Variants in ZNF451 observed in about 807,000 individuals in gnomAD.
ZNF451 encodes zinc finger protein 451, also known as E3 SUMO-protein ligase ZNF451.
A neutral mutation model predicts 107.1 loss-of-function variants in ZNF451; 80 were observed. The ratio of observed to expected loss-of-function variants is 0.75; its 90% confidence interval spans 0.62 to 0.90. The LOEUF is 0.90. Ranked by LOEUF, ZNF451 falls within the 40% of genes least tolerant of loss-of-function variation. The pLI, the probability that ZNF451 is intolerant of heterozygous loss-of-function variation, is 0.00. For synonymous variants in ZNF451, 362 were observed against 406.5 expected (o/e 0.89, Z 1.32); for missense variants, 1,107 against 1,236.2 (o/e 0.90, Z 1.57).
intron 3 of ZNF451, among the ~76,000 whole-genome samples, chr6:57,117,972 G>C (rs1830451942): frequency 6.6e-6 from 1 of 152,142 alleles, no homozygotes; most frequent in Non-Finnish European, 1.5e-5. Flanking sequence ...TTGTTGTTGT[G>C]ACACAGGAAT....
intron 10 of ZNF451, 114 bp downstream of exon 10, chr6:57,148,807 A>G: frequency 3.1e-6 from 3 of 978,608 alleles, no homozygotes; most frequent in Non-Finnish European, 1.5e-6. Flanking sequence ...TGGTATGTTA[A>G]TTATTATGGT....
chr6:57,112,834 CT>C (rs1830172583), intron 3 of ZNF451, among the ~76,000 whole-genome samples: 1 of 151,892 alleles, frequency 6.6e-6, no homozygotes, highest in Non-Finnish European at 1.5e-5. Flanking sequence ...AAAATGGAAG[CT>C]TTTTGGTTCA....
intron 3 of ZNF451, chr6:57,103,738 G>A (rs1459108636): frequency 1.8e-5 from 18 of 985,196 alleles, no homozygotes; most frequent in Admixed American, 6.2e-5. Context: ...ATGGAATATG[G>A]CACTGTTTTA....
chr6:57,101,442 A>G (rs1187739050), intron 3 of ZNF451: 6 of 1,550,716 alleles, frequency 3.9e-6, no homozygotes, highest in Non-Finnish European at 4.4e-6. Context: ...AACCAAACCC[A>G]CCAGCTGAAG....
intron 14 of ZNF451, chr6:57,164,846 A>G (rs1216603815): frequency 6.6e-6 from 1 of 152,230 alleles, no homozygotes; most frequent in Non-Finnish European, 1.5e-5. Flanking sequence ...TAAGGGGAAC[A>G]CAGAGCTAGC....
chr6:57,112,899 C>T (rs1830174750), intron 3 of ZNF451, among the ~76,000 whole-genome samples: 1 of 152,010 alleles, frequency 6.6e-6, no homozygotes, highest in South Asian at 2.1e-4. Flanking sequence ...AAATATAAGT[C>T]ATTTCTTTAT....
chr6:57,168,763 A>G lies in ZNF451; in HGVS notation c.*294A>G, dbSNP rs187647057. ...TATATATTTAGATTTAAAGGATTAA[A>G]AAAAAGGAAAGCTCTTGACAGTTGT... On this transcript the variant is annotated 3_prime_UTR_variant, in exon 15 of 15. Transcript: ENST00000370706. 6.5e-4 allele frequency: 175 copies of G among 270,094 alleles called. 1 individual carries two copies. The highest frequency in any genetic ancestry group is 3.4e-3 in the African/African-American group (153 of 44,398). 16.7% of individuals were successfully genotyped at this position (270,094 alleles called of 1,614,324 possible).
At chr6:57,128,186 G>C (rs1199495099) in intron 4 of ZNF451, among the ~76,000 whole-genome samples, 1 of 152,090 alleles carries the variant, frequency 6.6e-6, no homozygotes. Context: ...GGCTCCTTCT[G>C]TATGTTTCAG....
chr6:57,140,660 C>T (rs940923818), intron 7 of ZNF451, among the ~76,000 whole-genome samples: 1 of 150,922 alleles, frequency 6.6e-6, no homozygotes, highest in Non-Finnish European at 1.5e-5. Flanking sequence ...GAAAAAAAAA[C>T]CCAAAACTTA....
intron 11 of ZNF451, chr6:57,151,509 T>TTTAAAATA (rs1375235572): frequency 6.6e-6 from 1 of 152,238 alleles, no homozygotes; most frequent in Admixed American, 6.5e-5. Context: ...TTTTATCCCT[T>TTTAAAATA]TTAAAATACA....
intron 7 of ZNF451, among the ~76,000 whole-genome samples, chr6:57,138,540 G>C (rs569311611): frequency 6.6e-6 from 1 of 151,452 alleles, no homozygotes; most frequent in Non-Finnish European, 1.5e-5. Context: ...GGGATTACAG[G>C]CATGAGCCAT....
At chr6:57,104,070 CAA>C (rs1018731394) in intron 3 of ZNF451, 4 of 984,510 alleles carry the variant, frequency 4.1e-6, no homozygotes, top group Non-Finnish European at 4.8e-6. Context: ...CCAGTCATAT[CAA>C]GAGTTAATAT....
In ZNF451 at chr6:57,158,182, C is replaced by G. The variant is rs566644046; in HGVS notation, c.3071-2902C>G. On this transcript the variant is annotated intron_variant, in intron 13 of 14. Coordinates refer to ENST00000370706, the MANE Select transcript of ZNF451 (RefSeq NM_001031623.3). ...ACTGTGGTTGAGACTTTCACTGACA[C>G]AAATACCTGATTCCATGATGTAGAG... is the stretch of plus-strand genomic sequence containing the variant. 5.3e-5 allele frequency among the ~76,000 whole-genome samples: 8 copies of G among 152,324 alleles called. No individual in the cohort carries two copies. The South Asian group carries it at 1.7e-3, about 32-fold the overall frequency.
chr6:57,106,870 G>A (rs1829887180), intron 3 of ZNF451: 1 of 967,342 alleles, frequency 1.0e-6, no homozygotes, highest in African/African-American at 1.8e-5. Context: ...CAGTAAACTG[G>A]TGATTATTGT....
At chr6:57,162,938 A>G (rs1400355922) in intron 14 of ZNF451, among the ~76,000 whole-genome samples, 1 of 152,206 alleles carries the variant, frequency 6.6e-6, no homozygotes. Context: ...ACCTATAACT[A>G]GTTGTCATAG....
chr6:57,157,209 G>T (rs534103051), intron 13 of ZNF451, among the ~76,000 whole-genome samples: 4 of 152,100 alleles, frequency 2.6e-5, no homozygotes, highest in Non-Finnish European at 4.4e-5. Context: ...CCATCAGCAG[G>T]ACTAAAAAGT....
chr6:57,116,828 G>A (rs1422249661), intron 3 of ZNF451: 1 of 151,846 alleles, frequency 6.6e-6, no homozygotes. Flanking sequence ...AACCAGGCAT[G>A]GTTGCATGTA....
chr6:57,108,525 T>C (rs1441951507), intron 3 of ZNF451: 1 of 985,254 alleles, frequency 1.0e-6, no homozygotes, highest in Non-Finnish European at 1.2e-6. Flanking sequence ...ATTCATTTTT[T>C]TTTACATATT....
At position 57,147,310 on chromosome 6, in the gene ZNF451, A is replaced by C. The variant is rs901044185; in HGVS notation, c.1225A>C (p.Lys409Gln). Residue 409 changes from lysine (K) to glutamine (Q), a missense_variant, in exon 10 of 15, where the codon AAG becomes CAG. By Grantham distance (53) the Lys-to-Gln change is moderately conservative. Around this residue, in one of 5 missense-constraint regions of ZNF451, gnomAD observed 608 missense variants for 649.2 expected, o/e 0.94. Coordinates refer to ENST00000370706, the MANE Select transcript of ZNF451 (RefSeq NM_001031623.3). ...CTATTGCCACAGCAGCGAAGGGAAC[A>C]AGGATCCTTCTTCTGACTTGCATTT... is the stretch of plus-strand genomic sequence containing the variant. ...LLYCHSSEGN[K>Q]DPSSDLHLLL... 6.2e-7 allele frequency: 1 copy of C among 1,614,152 alleles called. No homozygotes were observed.
Sources: gnomAD v4.1 joint callset for allele counts (sites outside exome capture counted in the v4.1 genomes callset) on GRCh38, gnomAD v4.1.1 for gene constraint, gnomAD v4.1.1 regional missense constraint, MANE v1.5 for transcripts, NCBI Gene and HGNC (gene_info 2026-07-23, HGNC 2026-07-21) for gene names.